Variants in COL5A1 observed in about 807,000 individuals in gnomAD.
The protein encoded by COL5A1 is collagen alpha-1(V) chain.
A neutral mutation model predicts 263.7 loss-of-function variants in COL5A1; 16 were observed. The ratio of observed to expected loss-of-function variants is 0.06; its 90% CI spans 0.04 to 0.09. The LOEUF is 0.09. Among genes scored for constraint, COL5A1 ranks in the 10% least tolerant of loss-of-function variants. COL5A1 has a pLI of 1.00. For missense variants in COL5A1, 2,036 were observed against 2,540.5 expected (o/e 0.80, Z 4.27); for synonymous variants, 1,012 against 1,004.5 (o/e 1.01, Z -0.14).
At chr9:134,782,491 C>A in intron 28 of COL5A1, 176 bp from the exon 29 acceptor site, 1 of 721,328 alleles carries the variant, frequency 1.4e-6, no homozygotes, top group Non-Finnish European at 2.5e-6. Context: ...GAACGCAGAG[C>A]TCATGGGAAA....
At chr9:134,817,590 C>T (rs1838805636) in intron 53 of COL5A1, among the ~76,000 whole-genome samples, 188 bp from the exon 54 acceptor site, 1 of 152,092 alleles carries the variant, frequency 6.6e-6, no homozygotes, top group South Asian at 2.1e-4. Flanking sequence ...CTGCGGGTGG[C>T]CCGGGAGCAG....
chr9:134,814,075 C>T (rs758565319), intron 49 of COL5A1, 39 bp downstream of exon 49: 76 of 1,544,544 alleles, frequency 4.9e-5, no homozygotes, highest in East Asian at 9.8e-5. Context: ...GGGATATGGC[C>T]GAGCGGGTGT....
At position 134,682,152 on chromosome 9, in the gene COL5A1, C is replaced by T. The variant is rs376864083; in HGVS notation, c.110-8760C>T. 5.9e-5 allele frequency among the ~76,000 whole-genome samples: 9 copies of T among 152,302 alleles called. No individual in the cohort carries two copies. The highest frequency in any genetic ancestry group is 2.1e-4 in the South Asian group (1 of 4,820). ...TGGCGGTGACCTCTGGAGGACGGGC[C>T]GGGGAGCTTTAAGGGCCAGGCAGAA... is the stretch of plus-strand genomic sequence containing the variant. On this transcript the variant is annotated intron_variant, in intron 1 of 65. Coordinates refer to ENST00000371817, the MANE Select transcript of COL5A1 (RefSeq NM_000093.5). This position sits in a 1 kb window ranked among gnomAD's most constrained non-coding sequence, Gnocchi z 5.1.
At chr9:134,745,466 C>T (rs1332260468) in intron 11 of COL5A1, among the ~76,000 whole-genome samples, 5 of 152,100 alleles carry the variant, frequency 3.3e-5, no homozygotes, top group African/African-American at 9.7e-5. Flanking sequence ...CCCTTAAGGC[C>T]GCAGGTCTTA....
At chr9:134,707,501 T>G (rs1833877495) in intron 4 of COL5A1, among the ~76,000 whole-genome samples, 1 of 149,806 alleles carries the variant, frequency 6.7e-6, no homozygotes, top group Admixed American at 6.7e-5. Context: ...CTGTGCTGAG[T>G]GGGCCTTTCT....
chr9:134,736,124 C>G (rs1275466160), intron 9 of COL5A1, among the ~76,000 whole-genome samples: 1 of 152,260 alleles, frequency 6.6e-6, no homozygotes, highest in Non-Finnish European at 1.5e-5. Context: ...AGCCTGGTAC[C>G]CAGCACCTCT....
intron 25 of COL5A1, among the ~76,000 whole-genome samples, chr9:134,772,409 G>A (rs987563502): frequency 6.6e-5 from 10 of 152,350 alleles, no homozygotes; most frequent in Admixed American, 1.3e-4. Context: ...GTCCCCACTC[G>A]TGGGTCACTG....
chr9:134,753,946 G>A (rs534650851), intron 15 of COL5A1, 43 bp downstream of exon 15: 22 of 1,560,542 alleles, frequency 1.4e-5, no homozygotes, highest in East Asian at 9.0e-5. Flanking sequence ...GGCGCCTCCC[G>A]TTCTCCGGCG....
chr9:134,721,456 GCTCT>G (rs1834453427), intron 4 of COL5A1, among the ~76,000 whole-genome samples: 1 of 152,134 alleles, frequency 6.6e-6, no homozygotes, highest in South Asian at 2.1e-4. Context: ...TCTCGTCTCT[GCTCT>G]GAACACTGGA....
In COL5A1 at chr9:134,672,698, G is replaced by A. The variant is rs546929560; in HGVS notation, c.110-18214G>A. 8.5e-5 allele frequency among the ~76,000 whole-genome samples: 13 copies of A among 152,222 alleles called. No individual in the cohort carries two copies. In the South Asian group the frequency reaches 2.7e-3, roughly 32 times the overall value. On this transcript the variant is annotated intron_variant, in intron 1 of 65. Transcript: ENST00000371817. ...AATAAGGTAAGAAAATAAAATAAGA[G>A]GCATATTGATTGGAAAGGATGAAGT... is the stretch of plus-strand genomic sequence containing the variant.
At chr9:134,826,110 G>A (rs566935290) in intron 63 of COL5A1, among the ~76,000 whole-genome samples, 74 of 152,364 alleles carry the variant, frequency 4.9e-4, no homozygotes, top group East Asian at 7.7e-4. Context: ...TGTGCAGCCC[G>A]GGGTCAGGAA....
intron 4 of COL5A1, among the ~76,000 whole-genome samples, chr9:134,703,127 C>G (rs1833728225): frequency 6.6e-6 from 1 of 152,212 alleles, no homozygotes; most frequent in South Asian, 2.1e-4. Context: ...GGTGGAGATT[C>G]TGCTGAACGT....
At chr9:134,781,428 C>T (rs1023768697) in intron 28 of COL5A1, among the ~76,000 whole-genome samples, 20 of 152,390 alleles carry the variant, frequency 1.3e-4, no homozygotes, top group Middle Eastern at 6.8e-3. Flanking sequence ...GAGGGCCTTA[C>T]GAACACAGGG....
rs1175206501 is a variant in COL5A1, at chr9:134,754,517, G to C, written c.1827+191G>C. Among the ~76,000 whole-genome samples, 2 of 152,362 alleles carry C rather than the reference G, an allele frequency of 1.3e-5. No homozygotes were observed. The highest frequency in any genetic ancestry group is 2.9e-5 in the Non-Finnish European group (2 of 68,034). On this transcript the variant is annotated intron_variant, in intron 16 of 65. Transcript: ENST00000371817. The surrounding 1 kb of genome is among the most constrained non-coding windows in gnomAD (Gnocchi z 4.3). ...GCCTGGGAGGGGCGCTCTGTGTCCTGGGCGCAGACACAGCGGACCAGGCCT... is the reference window on the plus strand; with the variant it reads ...GCCTGGGAGGGGCGCTCTGTGTCCTCGGCGCAGACACAGCGGACCAGGCCT...
intron 4 of COL5A1, among the ~76,000 whole-genome samples, chr9:134,704,467 C>T (rs938629283): frequency 2.6e-5 from 4 of 152,196 alleles, no homozygotes; most frequent in African/African-American, 9.7e-5. Context: ...CCTACCCTGG[C>T]TTGTTCTTCC....
intron 38 of COL5A1, 149 bp from the exon 39 acceptor site, chr9:134,802,739 A>C: frequency 1.4e-6 from 1 of 696,548 alleles, no homozygotes; most frequent in Non-Finnish European, 2.6e-6. Flanking sequence ...TGCCGGGAAG[A>C]GAAGGCTTGC....
chr9:134,824,302 C>T (rs567948495), intron 61 of COL5A1, among the ~76,000 whole-genome samples: 1 of 152,306 alleles, frequency 6.6e-6, no homozygotes. Context: ...TTTTGTGTGG[C>T]TGAGGGCAGG....
chr9:134,805,799 GC>G (rs1389078385), intron 41 of COL5A1, among the ~76,000 whole-genome samples: 1 of 152,000 alleles, frequency 6.6e-6, no homozygotes. Context: ...AGGCATGTGG[GC>G]CCTGGAGGAG....
Position 134,815,590 on chromosome 9 carries a change from T to C in COL5A1, c.4029T>C (p.Phe1343=), listed in dbSNP as rs1838713273. The C allele has an allele frequency of 1.2e-6, 2 of 1,613,598 alleles. No individual in the cohort carries two copies. Residue 1343 remains phenylalanine (F), a synonymous_variant, in exon 51 of 66, where the codon TTT becomes TTC. Transcript: ENST00000371817. ...CTTCCTTTCAGGGCCCAGTGGGTTT[T>C]CCTGGAGATCCTGGCCCCCCCGGAG... ...GPKGSPGPVG[F]PGDPGPPGEP... is the part of the protein sequence containing the mutation.
Sources: gnomAD v4.1 joint callset for allele counts (sites outside exome capture counted in the v4.1 genomes callset) on GRCh38, gnomAD v4.1.1 for gene constraint, Gnocchi (gnomAD v3.1) non-coding constraint, MANE v1.5 for transcripts, NCBI Gene and HGNC (gene_info 2026-07-23, HGNC 2026-07-21) for gene names.